ZNF589: variants seen among roughly 807,000 people sequenced by gnomAD.
The protein encoded by ZNF589 is KRAB-zinc finger protein SZF1-1.
A neutral mutation model predicts 13.6 loss-of-function variants in ZNF589; 17 were observed. That is an observed-to-expected ratio of 1.25 (90% CI 0.86 to 1.88). The LOEUF is 1.88. Among genes scored for constraint, ZNF589 ranks in the 40% most tolerant of loss-of-function variants. The pLI, the probability that ZNF589 is intolerant of heterozygous loss-of-function variation, is 0.00. For synonymous variants in ZNF589, 148 were observed against 161.6 expected (o/e 0.92, Z 0.64); for missense variants, 407 against 434.0 (o/e 0.94, Z 0.55).
intron 1 of ZNF589, 142 bp downstream of exon 1, chr3:48,241,356 C>A: frequency 4.8e-6 from 5 of 1,045,712 alleles, no homozygotes; most frequent in African/African-American, 1.6e-5. Flanking sequence ...GCTCTTACTC[C>A]CCTGGGGGGC....
Position 48,269,977 on chromosome 3 carries a change from C to A in ZNF589, c.*1191C>A. ...GAGCTTTGGGGACAGTCTTTTGACC[C>A]CTTACATTCCTTTAGATGTGAAGAT... is the stretch of plus-strand genomic sequence containing the variant. On this transcript the variant is annotated 3_prime_UTR_variant, in exon 4 of 4. Transcript: ENST00000354698. The A allele has an allele frequency of 2.2e-6, 1 of 454,880 alleles. No individual in the cohort carries two copies. The highest frequency in any genetic ancestry group is 1.6e-5 in the South Asian group (1 of 64,374). The allele number at this position is 454,880 out of a possible 1,614,324, so 28.2% of individuals were successfully genotyped here.
At chr3:48,256,205 C>T (rs571269898) in intron 2 of ZNF589, 21 of 307,626 alleles carry the variant, frequency 6.8e-5, no homozygotes, top group African/African-American at 4.1e-4. Flanking sequence ...GTTCATCCCA[C>T]TGTCCCCTGT....
chr3:48,266,601 G>A (rs1033666293), intron 3 of ZNF589, among the ~76,000 whole-genome samples: 10 of 152,212 alleles, frequency 6.6e-5, no homozygotes, highest in African/African-American at 2.4e-4. Flanking sequence ...CAACCAAGGC[G>A]GGCAGATTGC....
chr3:48,255,270 G>A (rs1366281057), intron 2 of ZNF589, among the ~76,000 whole-genome samples: 1 of 151,584 alleles, frequency 6.6e-6, no homozygotes, highest in African/African-American at 2.4e-5. Context: ...CTGCCTCTTG[G>A]GTTCAAGTGA....
chr3:48,263,471 G>C (rs1289724320), intron 3 of ZNF589, among the ~76,000 whole-genome samples: 1 of 152,106 alleles, frequency 6.6e-6, no homozygotes, highest in African/African-American at 2.4e-5. Flanking sequence ...AGCTGGGTGC[G>C]GTGGCTCATG....
chr3:48,247,057 G>A (rs977793896), intron 1 of ZNF589, among the ~76,000 whole-genome samples: 5 of 151,940 alleles, frequency 3.3e-5, no homozygotes, highest in African/African-American at 1.2e-4. Flanking sequence ...TGCAACCTTC[G>A]CCCCCTGGGT....
chr3:48,264,464 C>CAAGTTCAACTT (rs1403897838), intron 3 of ZNF589, among the ~76,000 whole-genome samples: 1 of 151,202 alleles, frequency 6.6e-6, no homozygotes, highest in African/African-American at 2.4e-5. Flanking sequence ...ACTTGGGAGG[C>CAAGTTCAACTT]GGAAGTTGCA....
chr3:48,260,686 G>A, intron 2 of ZNF589, 127 bp from the exon 3 acceptor site: 1 of 1,344,274 alleles, frequency 7.4e-7, no homozygotes, highest in Non-Finnish European at 1.0e-6. Flanking sequence ...TAGGATTGCA[G>A]GTGTGAGCCA....
intron 2 of ZNF589, among the ~76,000 whole-genome samples, chr3:48,249,383 A>G (rs1385423147): frequency 1.3e-5 from 2 of 152,214 alleles, no homozygotes; most frequent in Non-Finnish European, 1.5e-5. Context: ...GATTATAGGC[A>G]TGAGCCACTG....
chr3:48,268,125 A>C lies in ZNF589; in HGVS notation c.434A>C (p.Gln145Pro). The C allele has an allele frequency of 6.2e-7, 1 of 1,614,234 alleles. No individual in the cohort carries two copies. ...KNHRGAEAED[Q>P]RVEGGVRPLF... ...CACAGGGGGGCTGAAGCAGAAGATC[A>C]ACGAGTGGAAGGAGGCGTCAGACCC... The change falls in exon 4 of 4, where the codon CAA becomes CCA. Residue 145 changes from glutamine (Q) to proline (P), a missense_variant. Transcript: ENST00000354698.
chr3:48,257,948 G>A (rs1368896800), intron 2 of ZNF589: 1 of 450,434 alleles, frequency 2.2e-6, no homozygotes, highest in South Asian at 1.6e-5. Context: ...CTCAAGTATT[G>A]TGGTGATCAA....
At chr3:48,246,140 C>G (rs900784891) in intron 1 of ZNF589, among the ~76,000 whole-genome samples, 2 of 152,052 alleles carry the variant, frequency 1.3e-5, no homozygotes, top group African/African-American at 2.4e-5. Context: ...TGGTGAAACC[C>G]CCATCTCTAC....
chr3:48,242,050 A>T (rs1342038791), intron 1 of ZNF589, among the ~76,000 whole-genome samples: 2 of 151,334 alleles, frequency 1.3e-5, no homozygotes, highest in Non-Finnish European at 3.0e-5. Flanking sequence ...GGCCTCAAGC[A>T]ATCCACCCAC....
chr3:48,256,504 G>T (rs1211121652), intron 2 of ZNF589: 3 of 556,836 alleles, frequency 5.4e-6, no homozygotes, highest in Admixed American at 2.7e-5. Context: ...GGTTGAATTG[G>T]GGTTTGCCCT....
chr3:48,256,947 AC>A (rs2033910409), intron 2 of ZNF589: 1 of 643,266 alleles, frequency 1.6e-6, no homozygotes, highest in African/African-American at 1.8e-5. Flanking sequence ...ATCTTGAAAA[AC>A]CAACCCTGAC....
intron 2 of ZNF589, 93 bp from the exon 3 acceptor site, chr3:48,260,720 C>G (rs2033961910): frequency 5.1e-6 from 8 of 1,576,906 alleles, no homozygotes; most frequent in Non-Finnish European, 6.9e-6. Flanking sequence ...AGATCAATTT[C>G]TTATGTAGCT....
intron 2 of ZNF589, chr3:48,256,657 C>T: frequency 8.5e-7 from 1 of 1,179,330 alleles, no homozygotes; most frequent in South Asian, 1.2e-5. Flanking sequence ...CTCCATGGGG[C>T]TGGATGAACT....
intron 2 of ZNF589, among the ~76,000 whole-genome samples, chr3:48,259,445 T>C (rs2033944336): frequency 1.3e-5 from 2 of 152,182 alleles, no homozygotes; most frequent in African/African-American, 4.8e-5. Context: ...CTGTCATCTT[T>C]GATTTGCTAG....
chr3:48,266,658 G>A (rs1385702838), intron 3 of ZNF589, among the ~76,000 whole-genome samples: 7 of 152,116 alleles, frequency 4.6e-5, no homozygotes, highest in East Asian at 1.9e-4. Context: ...GGTGAACGCC[G>A]TCACAAAAAA....
Sources: gnomAD v4.1 joint callset for allele counts (sites outside exome capture counted in the v4.1 genomes callset) on GRCh38, gnomAD v4.1.1 for gene constraint, MANE v1.5 for transcripts, NCBI Gene and HGNC (gene_info 2026-07-23, HGNC 2026-07-21) for gene names.